Variants in FBXO21 observed in about 807,000 individuals in gnomAD.
FBXO21 encodes the protein F-box only protein 21.
Under a neutral mutation model 76.6 loss-of-function variants are expected in FBXO21, and 32 were observed. The observed-to-expected ratio is 0.42, with a 90% confidence interval of 0.32 to 0.56. The LOEUF is 0.56. Among genes scored for constraint, FBXO21 ranks in the 20% least tolerant of loss-of-function variants. The probability of loss-of-function intolerance (pLI) is 0.16; values close to 1 mark genes in which losing one functional copy is unlikely to be tolerated. For synonymous variants in FBXO21, 328 were observed against 311.5 expected, an observed-to-expected ratio of 1.05 and a Z score of -0.56; for missense variants, 586 against 797.3, an observed-to-expected ratio of 0.73 and a Z score of 3.19.
intron 2 of FBXO21, among the ~76,000 whole-genome samples, chr12:117,188,035 C>T (rs1956301344): frequency 6.6e-6 from 1 of 151,550 alleles, no homozygotes; most frequent in South Asian, 2.1e-4. Flanking sequence ...CTTGAAAAGC[C>T]TTGAAAACAT....
intron 9 of FBXO21, among the ~76,000 whole-genome samples, chr12:117,164,760 T>A (rs894662508): frequency 6.6e-6 from 1 of 152,238 alleles, no homozygotes; most frequent in Admixed American, 6.5e-5. Flanking sequence ...GAGATGAGTT[T>A]ATGTTGATGG....
intron 7 of FBXO21, among the ~76,000 whole-genome samples, chr12:117,171,174 G>A (rs1956114482): frequency 6.6e-6 from 1 of 151,828 alleles, no homozygotes; most frequent in Non-Finnish European, 1.5e-5. Flanking sequence ...GACTAGCCTG[G>A]GCAACATGGC....
intron 4 of FBXO21, among the ~76,000 whole-genome samples, chr12:117,176,603 A>AGG (rs558966244): frequency 1.3e-5 from 2 of 151,934 alleles, no homozygotes; most frequent in African/African-American, 4.8e-5. Flanking sequence ...CTTGGAGGGA[A>AGG]GGGGGGGTAA....
intron 9 of FBXO21, among the ~76,000 whole-genome samples, chr12:117,161,143 C>T (rs138103086): frequency 3.9e-5 from 6 of 152,174 alleles, no homozygotes; most frequent in Non-Finnish European, 8.8e-5. Flanking sequence ...GACGGGAAAA[C>T]ATGACCTGGC....
intron 10 of FBXO21, among the ~76,000 whole-genome samples, chr12:117,156,666 T>C (rs1045053493): frequency 4.6e-5 from 7 of 152,182 alleles, no homozygotes; most frequent in South Asian, 4.1e-4. Flanking sequence ...ATGGCAGCTG[T>C]TGAGGCTGGA....
chr12:117,184,527 G>A (rs1001953286), intron 3 of FBXO21, among the ~76,000 whole-genome samples: 1 of 152,200 alleles, frequency 6.6e-6, no homozygotes. Flanking sequence ...GCCGAGACCA[G>A]CAGATCACGT....
Position 117,167,059 on chromosome 12 carries a change from A to C in FBXO21, c.1032T>G (p.Phe344Leu). ...CAAAAGCATCTATGTAGATGTAGTC[A>C]AAGATGTCCAGGGTCGCCCTATCCA... is the stretch of plus-strand genomic sequence containing the variant. ...QGAEGATLDI[F>L]DYIYIDAFGK... The change falls in exon 8 of 12, where the codon TTT becomes TTG. Residue 344 changes from phenylalanine (F) to leucine (L), a missense_variant. Physicochemically the swap from Phe to Leu is conservative, Grantham distance 22. Coordinates refer to ENST00000622495, the MANE Select transcript of FBXO21 (RefSeq NM_015002.3). 2 of 1,614,052 alleles carry C rather than the reference A, an allele frequency of 1.2e-6. No individual in the cohort carries two copies. Among genetic ancestry groups the C allele is most frequent in the Non-Finnish European group, 1.7e-6 (2 of 1,179,992 alleles).
intron 7 of FBXO21, among the ~76,000 whole-genome samples, chr12:117,170,204 A>G (rs1187188334): frequency 6.6e-6 from 1 of 151,094 alleles, no homozygotes; most frequent in African/African-American, 2.4e-5. Flanking sequence ...TGTTAGCTTG[A>G]TGAAGAAAAA....
chr12:117,168,254 G>A (rs963840559), intron 7 of FBXO21, among the ~76,000 whole-genome samples: 4 of 152,262 alleles, frequency 2.6e-5, no homozygotes, highest in East Asian at 1.9e-4. Flanking sequence ...AGCTGGGTGC[G>A]GTGGCTAACG....
At chr12:117,150,817 AG>A (rs1955828869) in intron 11 of FBXO21, among the ~76,000 whole-genome samples, 3 of 151,132 alleles carry the variant, frequency 2.0e-5, no homozygotes, top group Admixed American at 2.0e-4. Context: ...ACCCCCATGC[AG>A]GGGATCCCCA....
intron 9 of FBXO21, among the ~76,000 whole-genome samples, chr12:117,163,839 T>C (rs1956015320): frequency 6.6e-6 from 1 of 151,550 alleles, no homozygotes; most frequent in Non-Finnish European, 1.5e-5. Flanking sequence ...AGCTACTCGG[T>C]AGGCTAAGGC....
chr12:117,148,257 T>A (rs1955801511), intron 11 of FBXO21, among the ~76,000 whole-genome samples: 1 of 152,232 alleles, frequency 6.6e-6, no homozygotes, highest in Non-Finnish European at 1.5e-5. Flanking sequence ...CAGAACTGCC[T>A]GAACAAATCA....
In FBXO21 at chr12:117,155,921, G is replaced by C. The variant is rs1403821186; in HGVS notation, c.1545C>G (p.Gly515=). The part of the protein sequence containing the change: ...KRYGYNCVIY[G]WDPTCMMGHE... ...GTCCCATCATGCAGGTGGGGTCCCAGCCGTAGATCACACAGTTATAGCCAT... is the reference window on the plus strand; with the variant it reads ...GTCCCATCATGCAGGTGGGGTCCCACCCGTAGATCACACAGTTATAGCCAT... The change falls in exon 11 of 12, where the codon GGC becomes GGG. Residue 515 remains glycine, a synonymous_variant. Coordinates refer to ENST00000622495, the MANE Select transcript of FBXO21 (RefSeq NM_015002.3). The C allele has an allele frequency of 3.1e-6, 5 of 1,614,116 alleles. No individual in the cohort carries two copies. Among genetic ancestry groups the C allele is most frequent in the Non-Finnish European group, 4.2e-6 (5 of 1,180,048 alleles).
chr12:117,153,501 C>T (rs12304807), intron 11 of FBXO21, among the ~76,000 whole-genome samples: 2,445 of 152,278 alleles, frequency 0.016, 69 homozygotes, highest in African/African-American at 0.052. Flanking sequence ...GAGGTGGGCA[C>T]GGAGCCCAGA....
At chr12:117,186,717 G>C (rs982807631) in intron 2 of FBXO21, 146 bp from the exon 3 acceptor site, 13 of 557,780 alleles carry the variant, frequency 2.3e-5, no homozygotes, top group Non-Finnish European at 3.1e-5. Context: ...CCAGTCATGG[G>C]TAGAAAATAA....
At chr12:117,181,599 G>A (rs1321959379) in intron 3 of FBXO21, among the ~76,000 whole-genome samples, 3 of 145,536 alleles carry the variant, frequency 2.1e-5, no homozygotes, top group South Asian at 4.6e-4. Context: ...ATCTGAGACA[G>A]TCTATCTATC....
chr12:117,145,917 T>G lies in FBXO21; in HGVS notation c.*170A>C. 1 of 510,112 alleles carries G rather than the reference T, an allele frequency of 2.0e-6. No homozygotes were observed. The highest frequency in any genetic ancestry group is 3.6e-5 in the South Asian group (1 of 28,070). The allele number at this position is 510,112 out of a possible 1,614,324, so 31.6% of individuals were successfully genotyped here. A position where few individuals can be genotyped will look rare whatever the true frequency, so the allele number is the denominator to read the frequency against. On this transcript the variant is annotated 3_prime_UTR_variant, in exon 12 of 12. Transcript: ENST00000622495. ...CGGAGAGCAACATTGTCTTTGCAGC[T>G]GGGGAAGAGCACACGGTATTTAAAC...
chr12:117,189,781 C>T (rs978573070), intron 1 of FBXO21, among the ~76,000 whole-genome samples: 2 of 152,178 alleles, frequency 1.3e-5, no homozygotes, highest in Non-Finnish European at 2.9e-5. Flanking sequence ...AAGTCGCTCC[C>T]CCCAAGGTCA....
intron 11 of FBXO21, among the ~76,000 whole-genome samples, chr12:117,148,525 G>A (rs1955804459): frequency 6.6e-6 from 1 of 152,240 alleles, no homozygotes; most frequent in African/African-American, 2.4e-5. Context: ...GGAAGGCCAT[G>A]GATCAGGGGT....
Sources: gnomAD v4.1 joint callset for allele counts (sites outside exome capture counted in the v4.1 genomes callset) on GRCh38, gnomAD v4.1.1 for gene constraint, MANE v1.5 for transcripts, NCBI Gene and HGNC (gene_info 2026-07-23, HGNC 2026-07-21) for gene names.